Variants in RAB12 observed in about 807,000 individuals in gnomAD.
RAB12 encodes RAB12, member RAS oncogene family.
Under a neutral mutation model 28.4 loss-of-function variants are expected in RAB12, and 11 were observed. That is an observed-to-expected ratio of 0.39 (90% CI 0.24 to 0.64). RAB12 has a LOEUF of 0.64. Among genes scored for constraint, RAB12 ranks in the 30% least tolerant of loss-of-function variants. The pLI is 0.50. For synonymous variants in RAB12, 138 were observed against 145.3 expected (o/e 0.95, Z 0.36); for missense variants, 276 against 351.1 (o/e 0.79, Z 1.71).
chr18:8,633,116 ATGTT>A, intron 2 of RAB12, 69 bp from the exon 3 acceptor site: 2 of 1,570,864 alleles, frequency 1.3e-6, no homozygotes, highest in South Asian at 2.3e-5. Context: ...CATATAATCT[ATGTT>A]TGCATTGGAA....
Position 8,638,237 on chromosome 18 carries a change from C to A in RAB12, c.998C>A (p.Pro333Gln), listed in dbSNP as rs1224751482. 1 of 1,613,214 alleles carries A rather than the reference C, an allele frequency of 6.2e-7. No individual in the cohort carries two copies. Residue 333 changes from proline (P) to glutamine (Q), a missense_variant, in exon 6 of 6, where the codon CCA becomes CAA. Transcript: ENST00000649141. ...GAGATACCGCCAGAACTGCCTCCAC[C>A]AAGACCACATGTCCGATGCTGTTGA... ...EPEIPPELPPPRPHVRCC is the reference protein window; with the variant it reads ...EPEIPPELPPQRPHVRCC
At chr18:8,618,445 ATAATAT>A (rs1220963343) in intron 1 of RAB12, among the ~76,000 whole-genome samples, 1 of 152,028 alleles carries the variant, frequency 6.6e-6, no homozygotes, top group East Asian at 1.9e-4. Flanking sequence ...GAAAAGCCAG[ATAATAT>A]TAAATAGTAG....
chr18:8,629,666 G>T (rs749296151), intron 2 of RAB12, among the ~76,000 whole-genome samples: 3 of 152,174 alleles, frequency 2.0e-5, no homozygotes, highest in South Asian at 4.1e-4. Flanking sequence ...GTGAGCTTTC[G>T]TGCTTGTTTG....
chr18:8,637,699 T>G (rs2096019709), intron 5 of RAB12, among the ~76,000 whole-genome samples: 1 of 152,118 alleles, frequency 6.6e-6, no homozygotes, highest in South Asian at 2.1e-4. Context: ...CCTAAAAACT[T>G]AACGACTAAA....
At chr18:8,638,094 G>A in intron 5 of RAB12, 55 bp from the exon 6 acceptor site, 3 of 1,131,506 alleles carry the variant, frequency 2.7e-6, no homozygotes, top group East Asian at 2.4e-5. Flanking sequence ...AGGGTCAGCT[G>A]TATGTGTACC....
intron 1 of RAB12, among the ~76,000 whole-genome samples, chr18:8,616,534 C>T (rs1724243571): frequency 2.0e-5 from 3 of 152,124 alleles, no homozygotes; most frequent in Admixed American, 2.0e-4. Flanking sequence ...GCAATTCCAA[C>T]TCCACGTCAG....
chr18:8,618,548 C>T (rs1309799731), intron 1 of RAB12, among the ~76,000 whole-genome samples: 1 of 151,442 alleles, frequency 6.6e-6, no homozygotes, highest in Admixed American at 6.6e-5. Context: ...CTTGCTCTGT[C>T]CCCCAGGCTG....
intron 1 of RAB12, among the ~76,000 whole-genome samples, chr18:8,619,084 CATT>C (rs1244060337): frequency 6.6e-6 from 1 of 152,190 alleles, no homozygotes; most frequent in African/African-American, 2.4e-5. Flanking sequence ...AACTTAAGGT[CATT>C]ATTATAAATT....
At chr18:8,619,412 G>A (rs768667945) in intron 1 of RAB12, among the ~76,000 whole-genome samples, 4 of 152,134 alleles carry the variant, frequency 2.6e-5, no homozygotes, top group East Asian at 1.9e-4. Context: ...CAAATGTTTC[G>A]CTTTAAGGGG....
At chr18:8,622,092 G>C (rs1432432762) in intron 1 of RAB12, among the ~76,000 whole-genome samples, 1 of 152,156 alleles carries the variant, frequency 6.6e-6, no homozygotes, top group East Asian at 1.9e-4. Context: ...TCCATTGTTA[G>C]CAGAGAAAAC....
At chr18:8,635,288 A>G (rs916458103) in intron 3 of RAB12, 3 of 291,890 alleles carry the variant, frequency 1.0e-5, no homozygotes, top group Non-Finnish European at 1.9e-5. Context: ...GGTCTTGGGA[A>G]TTGTTGGGTC....
chr18:8,638,417 G>T lies in RAB12; in HGVS notation c.*155G>T. Reference sequence around the variant, plus strand: ...TAAATATGCATATATGCAATCCTGGGTAAGTTTTGGTTATAAGTTACCTAT... The same window carrying T: ...TAAATATGCATATATGCAATCCTGGTTAAGTTTTGGTTATAAGTTACCTAT... On this transcript the variant is annotated 3_prime_UTR_variant, in exon 6 of 6. Transcript: ENST00000649141. 1 of 595,416 alleles carries T rather than the reference G, an allele frequency of 1.7e-6. No homozygotes were observed. The highest frequency in any genetic ancestry group is 3.0e-6 in the Non-Finnish European group (1 of 335,274). 36.9% of individuals were successfully genotyped at this position (595,416 alleles called of 1,614,324 possible). A position where few individuals can be genotyped will look rare whatever the true frequency, so the allele number is the denominator to read the frequency against.
intron 1 of RAB12, among the ~76,000 whole-genome samples, chr18:8,620,202 A>G (rs1048719155): frequency 1.6e-5 from 2 of 128,748 alleles, no homozygotes; most frequent in African/African-American, 6.1e-5. Context: ...AGAGCAGTCT[A>G]AGACCTTTGA....
chr18:8,621,560 AC>A (rs2096009872), intron 1 of RAB12, among the ~76,000 whole-genome samples: 1 of 152,122 alleles, frequency 6.6e-6, no homozygotes, highest in Non-Finnish European at 1.5e-5. Flanking sequence ...TCATCTACTC[AC>A]TATAAGATAG....
At chr18:8,610,347 C>T (rs1038076695) in intron 1 of RAB12, among the ~76,000 whole-genome samples, 2 of 152,242 alleles carry the variant, frequency 1.3e-5, no homozygotes, top group Non-Finnish European at 2.9e-5. Flanking sequence ...CAGCGCGCGC[C>T]GTCTGCTGCG....
rs2096020266 is a variant in RAB12, at chr18:8,638,493, T to A, written c.*231T>A. On this transcript the variant is annotated 3_prime_UTR_variant, in exon 6 of 6. Coordinates refer to ENST00000649141, the MANE Select transcript of RAB12 (RefSeq NM_001025300.3). ...TCATTACCCCAGTGTCTAGTGTACATACACTGGGAAACCTAGTACTTCTAA... is the reference window on the plus strand; with the variant it reads ...TCATTACCCCAGTGTCTAGTGTACAAACACTGGGAAACCTAGTACTTCTAA... 2 of 457,964 alleles carry A rather than the reference T, an allele frequency of 4.4e-6. No individual in the cohort carries two copies. Among genetic ancestry groups the A allele is most frequent in the African/African-American group, 2.0e-5 (1 of 50,426 alleles). 28.4% of individuals were successfully genotyped at this position (457,964 alleles called of 1,614,324 possible).
intron 2 of RAB12, among the ~76,000 whole-genome samples, chr18:8,632,690 G>T (rs976223071): frequency 6.7e-6 from 1 of 149,932 alleles, no homozygotes; most frequent in Admixed American, 6.7e-5. Flanking sequence ...TGAGCGGGGA[G>T]TGGGTCATGC....
intron 1 of RAB12, 89 bp from the exon 2 acceptor site, chr18:8,624,849 A>T: frequency 1.1e-6 from 1 of 881,414 alleles, no homozygotes; most frequent in Admixed American, 2.3e-5. Flanking sequence ...TTTTCTGATA[A>T]TGATAACAAA....
intron 2 of RAB12, among the ~76,000 whole-genome samples, chr18:8,626,825 G>C (rs560664706): frequency 6.6e-6 from 1 of 152,300 alleles, no homozygotes; most frequent in Admixed American, 6.5e-5. Context: ...CTGTGCAGCT[G>C]TACAGCATGG....
Sources: allele counts gnomAD v4.1 joint callset (sites outside exome capture counted in the v4.1 genomes callset), GRCh38; gene constraint gnomAD v4.1.1; transcripts MANE v1.5; gene names NCBI Gene and HGNC (gene_info 2026-07-23, HGNC 2026-07-21).